STX18: variants seen among roughly 807,000 people sequenced by gnomAD.
The protein encoded by STX18 is syntaxin 18.
STX18 carries 40 observed loss-of-function variants against 50.1 expected under a neutral mutation model. The ratio of observed to expected loss-of-function variants is 0.80; its 90% CI spans 0.62 to 1.04. STX18 has a LOEUF of 1.04. STX18 is among the 50% of genes least tolerant of loss of function. STX18 has a pLI of 0.00. For synonymous variants in STX18, 158 were observed against 151.8 expected (o/e 1.04, Z -0.30); for missense variants, 410 against 415.8 (o/e 0.99, Z 0.12).
At chr4:4,463,975 TTCTCTATTG>T (rs1235863541) in intron 2 of STX18, among the ~76,000 whole-genome samples, 1 of 152,226 alleles carries the variant, frequency 6.6e-6, no homozygotes, top group Non-Finnish European at 1.5e-5. Flanking sequence ...ATAATTATTT[TTCTCTATTG>T]GAGAATTTAT....
At chr4:4,512,166 A>G (rs542557533) in intron 1 of STX18, among the ~76,000 whole-genome samples, 1 of 152,242 alleles carries the variant, frequency 6.6e-6, no homozygotes, top group Non-Finnish European at 1.5e-5. Flanking sequence ...TAAACCAGAT[A>G]TTTAAAACTC....
rs746277551 is a variant in STX18, at chr4:4,420,791, G to A, written c.912+73C>T. 10 of 1,375,672 alleles carry A rather than the reference G, an allele frequency of 7.3e-6. No homozygotes were observed. Among genetic ancestry groups the A allele is most frequent in the Admixed American group, 1.7e-5 (1 of 59,344 alleles). The allele number at this position is 1,375,672 out of a possible 1,614,324, so 85.2% of individuals were successfully genotyped here. A position where few individuals can be genotyped will look rare whatever the true frequency, so the allele number is the denominator to read the frequency against. On this transcript the variant is annotated intron_variant, in intron 10 of 10. Coordinates refer to ENST00000306200, the MANE Select transcript of STX18 (RefSeq NM_016930.4). The surrounding 1 kb of genome is among the most constrained non-coding windows in gnomAD (Gnocchi z 4.3). Reference sequence around the variant, plus strand: ...AGCAAGGCTCCTGGGCAGCTGTGCCGGCGAGACTAACACCCGCTGCTGGGA... The same window carrying A: ...AGCAAGGCTCCTGGGCAGCTGTGCCAGCGAGACTAACACCCGCTGCTGGGA...
intron 1 of STX18, among the ~76,000 whole-genome samples, chr4:4,476,568 T>C (rs1358470109): frequency 6.6e-6 from 1 of 152,242 alleles, no homozygotes; most frequent in Non-Finnish European, 1.5e-5. Context: ...GTCCACTGTA[T>C]ATTGTTATTT....
chr4:4,458,449 G>C (rs1727197822), intron 3 of STX18, among the ~76,000 whole-genome samples: 1 of 152,118 alleles, frequency 6.6e-6, no homozygotes, highest in African/African-American at 2.4e-5. Flanking sequence ...AATGCCTATT[G>C]CTTCCATCAG....
chr4:4,462,451 G>A (rs1362825169), intron 2 of STX18, among the ~76,000 whole-genome samples: 1 of 152,214 alleles, frequency 6.6e-6, no homozygotes, highest in Non-Finnish European at 1.5e-5. Flanking sequence ...ACTTAGGTGT[G>A]ACTGACCCCA....
intron 5 of STX18, among the ~76,000 whole-genome samples, chr4:4,443,972 C>G (rs1238696292): frequency 6.6e-6 from 1 of 152,124 alleles, no homozygotes; most frequent in African/African-American, 2.4e-5. Context: ...TGGGAGATAA[C>G]CTCTAAGCTC....
intron 2 of STX18, among the ~76,000 whole-genome samples, chr4:4,460,979 G>T (rs1326443743): frequency 6.6e-6 from 1 of 152,110 alleles, no homozygotes; most frequent in Non-Finnish European, 1.5e-5. Context: ...GGAAATAGAG[G>T]CTAACGGGGT....
At chr4:4,515,741 A>G (rs1193896905) in intron 1 of STX18, among the ~76,000 whole-genome samples, 6 of 152,214 alleles carry the variant, frequency 3.9e-5, no homozygotes, top group Non-Finnish European at 8.8e-5. Flanking sequence ...GAGGAAAATA[A>G]ATTATTTTTT....
chr4:4,454,325 A>G (rs1032353575), intron 5 of STX18, among the ~76,000 whole-genome samples: 1 of 152,228 alleles, frequency 6.6e-6, no homozygotes, highest in African/African-American at 2.4e-5. Context: ...AGACAAGGCT[A>G]TACTTCGCTG....
At chr4:4,507,504 G>C in intron 1 of STX18, 1 of 768,532 alleles carries the variant, frequency 1.3e-6, no homozygotes, top group Non-Finnish European at 2.4e-6. Flanking sequence ...GGAGAATTCT[G>C]CCTAAGCCAA....
intron 9 of STX18, among the ~76,000 whole-genome samples, chr4:4,422,138 C>G (rs898711459): frequency 6.6e-6 from 1 of 152,168 alleles, no homozygotes; most frequent in Non-Finnish European, 1.5e-5. Context: ...TTTGCCTCAT[C>G]ATCACCCCTT....
chr4:4,506,121 G>A (rs938102208), intron 1 of STX18, among the ~76,000 whole-genome samples: 25 of 152,114 alleles, frequency 1.6e-4, no homozygotes. Context: ...ATGCCGCTAT[G>A]AACATTTGTG....
chr4:4,445,383 G>C (rs1327685189), intron 5 of STX18, among the ~76,000 whole-genome samples: 2 of 151,644 alleles, frequency 1.3e-5, no homozygotes, highest in Non-Finnish European at 2.9e-5. Flanking sequence ...TCTAGCCTGG[G>C]CAACAAGAAC....
chr4:4,491,221 G>A (rs561114137), intron 1 of STX18, among the ~76,000 whole-genome samples: 9 of 151,650 alleles, frequency 5.9e-5, no homozygotes, highest in Non-Finnish European at 1.0e-4. Flanking sequence ...TTTAAACTAC[G>A]AGCACGTCTA....
chr4:4,452,509 G>C (rs1020209856), intron 5 of STX18, among the ~76,000 whole-genome samples: 1 of 152,196 alleles, frequency 6.6e-6, no homozygotes, highest in African/African-American at 2.4e-5. Flanking sequence ...TGCAGCAGAT[G>C]ATTTTAAGCT....
chr4:4,448,001 G>A (rs1255558903), intron 5 of STX18, among the ~76,000 whole-genome samples: 2 of 152,196 alleles, frequency 1.3e-5, no homozygotes, highest in Non-Finnish European at 2.9e-5. Flanking sequence ...ACTAGCTGCT[G>A]ATCTTCTGAA....
chr4:4,448,494 A>G (rs556941662), intron 5 of STX18, among the ~76,000 whole-genome samples: 2 of 152,156 alleles, frequency 1.3e-5, no homozygotes, highest in Non-Finnish European at 1.5e-5. Flanking sequence ...GGAGTGCACC[A>G]CTACACCCAG....
chr4:4,507,343 GC>G, intron 1 of STX18: 1 of 747,260 alleles, frequency 1.3e-6, no homozygotes, highest in Non-Finnish European at 2.5e-6. Context: ...TATTATGGCA[GC>G]CAAGGAAATT....
In STX18 at chr4:4,500,906, G is replaced by A. The variant is rs371584583; in HGVS notation, c.169-29200C>T. Among the ~76,000 whole-genome samples, 81 of 152,198 alleles carry A rather than the reference G, an allele frequency of 5.3e-4. No homozygotes were observed. The East Asian group carries it at 7.7e-3, about 15-fold the overall frequency. ...ACAAAAATTAGCTGGGCGTGGTGGC[G>A]GGCGCCTATACCCTCAGCTACTCGG... On this transcript the variant is annotated intron_variant, in intron 1 of 10. Coordinates refer to ENST00000306200, the MANE Select transcript of STX18 (RefSeq NM_016930.4).
Sources: allele counts gnomAD v4.1 joint callset (sites outside exome capture counted in the v4.1 genomes callset), GRCh38; gene constraint gnomAD v4.1.1; non-coding constraint Gnocchi (gnomAD v3.1); transcripts MANE v1.5; gene names NCBI Gene and HGNC (gene_info 2026-07-23, HGNC 2026-07-21).